Variants in ISM1 observed in about 807,000 individuals in gnomAD.
ISM1 encodes the protein isthmin-1.
ISM1 carries 25 observed loss-of-function variants against 46.3 expected under a neutral mutation model. The observed-to-expected ratio is 0.54, with a 90% confidence interval of 0.39 to 0.75. The LOEUF is 0.75. Ranked by LOEUF, ISM1 falls within the 30% of genes least tolerant of loss-of-function variation. ISM1 has a pLI of 0.00. For missense variants in ISM1, 536 were observed against 625.4 expected, an observed-to-expected ratio of 0.86 and a Z score of 1.52; for synonymous variants, 255 against 256.7, an observed-to-expected ratio of 0.99 and a Z score of 0.06.
chr20:13,225,536 T>C (rs1445948635), intron 1 of ISM1, among the ~76,000 whole-genome samples: 1 of 152,226 alleles, frequency 6.6e-6, no homozygotes, highest in Non-Finnish European at 1.5e-5. Flanking sequence ...TTTGACTCTT[T>C]GTATGACTGT....
intron 1 of ISM1, among the ~76,000 whole-genome samples, chr20:13,265,353 C>G (rs1286387801): frequency 6.6e-6 from 1 of 152,108 alleles, no homozygotes; most frequent in Non-Finnish European, 1.5e-5. Context: ...TTTATAATAC[C>G]TACCTCAAAT....
intron 5 of ISM1, among the ~76,000 whole-genome samples, chr20:13,295,528 C>T (rs1435754752): frequency 6.6e-6 from 1 of 152,178 alleles, no homozygotes; most frequent in Non-Finnish European, 1.5e-5. Flanking sequence ...CTTCCCTTGT[C>T]CTTCCCCCAT....
At chr20:13,271,040 AG>A (rs2040109123) in intron 2 of ISM1, among the ~76,000 whole-genome samples, 1 of 152,382 alleles carries the variant, frequency 6.6e-6, no homozygotes, top group Middle Eastern at 3.4e-3. Flanking sequence ...GAAATATAAA[AG>A]CAAAACAAAA....
At chr20:13,280,863 C>A (rs1002953644) in intron 3 of ISM1, among the ~76,000 whole-genome samples, 9 of 152,132 alleles carry the variant, frequency 5.9e-5, no homozygotes, top group Non-Finnish European at 1.2e-4. Context: ...GGGAATCAGG[C>A]AGTTTGTTAT....
At position 13,279,726 on chromosome 20, in the gene ISM1, C is replaced by T. The variant is rs2040217351; in HGVS notation, c.471C>T (p.Asp157=). ...CCAGCTGGTCAGTCCCATCCCCCGA[C>T]TGGCGGGCCTGGTGGCAGAGGTCCC... ...NKPSWSVPSP[D]WRAWWQRSLS... is the part of the protein sequence containing the mutation. The change falls in exon 3 of 6, where the codon GAC becomes GAT. Residue 157 remains aspartate, a synonymous_variant. Transcript: ENST00000262487. The T allele has an allele frequency of 1.9e-6, 3 of 1,613,870 alleles. No individual in the cohort carries two copies. In the African/African-American group the frequency reaches 4.0e-5, roughly 22 times the overall value.
At chr20:13,296,441 G>A (rs2040407855) in intron 5 of ISM1, among the ~76,000 whole-genome samples, 1 of 152,308 alleles carries the variant, frequency 6.6e-6, no homozygotes, top group East Asian at 1.9e-4. Context: ...GGGAGGCAAG[G>A]GATGTTATCT....
chr20:13,250,284 G>T (rs1243002294), intron 1 of ISM1, among the ~76,000 whole-genome samples: 2 of 152,124 alleles, frequency 1.3e-5, no homozygotes, highest in African/African-American at 2.4e-5. Context: ...AATAAAGAGG[G>T]CCCCTACTAG....
intron 3 of ISM1, among the ~76,000 whole-genome samples, chr20:13,285,315 A>G (rs1190286762): frequency 1.1e-5 from 1 of 89,066 alleles, no homozygotes; most frequent in Non-Finnish European, 2.4e-5. Flanking sequence ...AAAAGAAAGG[A>G]AAAAAAAAGC....
intron 5 of ISM1, among the ~76,000 whole-genome samples, chr20:13,297,957 G>A (rs1046511130): frequency 1.3e-5 from 2 of 152,112 alleles, no homozygotes; most frequent in African/African-American, 2.4e-5. Flanking sequence ...TGCAGACAGC[G>A]ATGGTTACAT....
chr20:13,240,514 G>C (rs1359898897), intron 1 of ISM1, among the ~76,000 whole-genome samples: 1 of 152,162 alleles, frequency 6.6e-6, no homozygotes, highest in Non-Finnish European at 1.5e-5. Context: ...GCATGACTAA[G>C]GGATGGAAAA....
chr20:13,290,574 G>A (rs536040589), intron 4 of ISM1, among the ~76,000 whole-genome samples: 65 of 152,222 alleles, frequency 4.3e-4, no homozygotes, highest in African/African-American at 1.5e-3. Flanking sequence ...GCAGGAACCC[G>A]GGAGGCGGAG....
chr20:13,296,412 T>A (rs2040407692), intron 5 of ISM1, among the ~76,000 whole-genome samples: 2 of 152,212 alleles, frequency 1.3e-5, no homozygotes, highest in Non-Finnish European at 2.9e-5. Flanking sequence ...GGAGAGGATT[T>A]ATTCAAAGGA....
intron 1 of ISM1, among the ~76,000 whole-genome samples, chr20:13,267,770 G>A (rs892569702): frequency 1.3e-5 from 2 of 152,172 alleles, no homozygotes; most frequent in African/African-American, 4.8e-5. Flanking sequence ...GTTCATAGTA[G>A]GAAGAGTACT....
At chr20:13,302,602 A>C (rs182334646), downstream of ISM1, among the ~76,000 whole-genome samples, 1 of 152,340 alleles carries the variant, frequency 6.6e-6, no homozygotes, top group African/African-American at 2.4e-5. Flanking sequence ...GTAAGGAATG[A>C]GCAAGGCCAC....
chr20:13,306,564 C>CAAAAAAAAAAAAAAAAAAAAAAA, the ISM1 span, among the ~76,000 whole-genome samples: 15 of 63,908 alleles, frequency 2.3e-4, no homozygotes, highest in Admixed American at 2.2e-4. Context: ...GGAGAAAGGA[C>CAAAAAAAAAAAAAAAAAAAAAAA]AAAAAAAAAA....
At chr20:13,326,216 T>A in the ISM1 span, among the ~76,000 whole-genome samples, 1 of 152,210 alleles carries the variant, frequency 6.6e-6, no homozygotes, top group East Asian at 1.9e-4. Context: ...ACTCGCCTAC[T>A]AAAGGATATT....
At chr20:13,266,119 C>G (rs7269783) in intron 1 of ISM1, among the ~76,000 whole-genome samples, 11,616 of 152,198 alleles carry the variant, frequency 0.076, 494 homozygotes, top group Non-Finnish European at 0.1. Flanking sequence ...AGAATTGTGT[C>G]ATATGGTCGC....
At chr20:13,306,269 T>C in the ISM1 span, among the ~76,000 whole-genome samples, 2 of 152,170 alleles carry the variant, frequency 1.3e-5, no homozygotes, top group Non-Finnish European at 2.9e-5. Flanking sequence ...AAAAGGAATT[T>C]TTTTTCTATG....
At chr20:13,271,581 C>G (rs576063818) in intron 2 of ISM1, among the ~76,000 whole-genome samples, 1 of 152,208 alleles carries the variant, frequency 6.6e-6, no homozygotes, top group African/African-American at 2.4e-5. Context: ...CCCAAAGTCA[C>G]ATGGCAGTAA....
Sources: allele counts gnomAD v4.1 joint callset (sites outside exome capture counted in the v4.1 genomes callset), GRCh38; gene constraint gnomAD v4.1.1; transcripts MANE v1.5; gene names NCBI Gene and HGNC (gene_info 2026-07-23, HGNC 2026-07-21).